Variants in MACROH2A1 observed in about 807,000 individuals in gnomAD.
MACROH2A1 encodes macroH2A.1 histone, also known as core histone macro-H2A.1.
MACROH2A1 carries 2 observed loss-of-function variants against 31.6 expected under a neutral mutation model. That is an observed-to-expected ratio of 0.06 (90% CI 0.03 to 0.20). MACROH2A1 has a LOEUF of 0.20. MACROH2A1 is among the 10% of genes least tolerant of loss of function. The pLI is 1.00. For synonymous variants in MACROH2A1, 169 were observed against 189.6 expected, an observed-to-expected ratio of 0.89 and a Z score of 0.89; for missense variants, 230 against 474.0, an observed-to-expected ratio of 0.49 and a Z score of 4.78.
chr5:135,358,309 C>T, intron 5 of MACROH2A1: 1 of 985,388 alleles, frequency 1.0e-6, no homozygotes, highest in Non-Finnish European at 1.2e-6. Flanking sequence ...GTTTCTAACA[C>T]TGGTGCTTAG....
At chr5:135,340,028 G>A (rs571223981) in intron 8 of MACROH2A1, among the ~76,000 whole-genome samples, 2 of 152,308 alleles carry the variant, frequency 1.3e-5, no homozygotes, top group South Asian at 2.1e-4. Flanking sequence ...GGCAGGTCAG[G>A]GAGTTCCCAG....
chr5:135,351,274 T>TAA (rs879456632), intron 6 of MACROH2A1: 24 of 148,096 alleles, frequency 1.6e-4, no homozygotes, highest in Middle Eastern at 3.1e-3. Context: ...GGCATCTGTT[T>TAA]AAAAAAAAAA....
At chr5:135,341,982 G>C (rs1759962289) in intron 8 of MACROH2A1, among the ~76,000 whole-genome samples, 1 of 152,218 alleles carries the variant, frequency 6.6e-6, no homozygotes, top group African/African-American at 2.4e-5. Context: ...GCAGTGGCAG[G>C]TACTCTGTCC....
intron 2 of MACROH2A1, among the ~76,000 whole-genome samples, chr5:135,374,214 A>G (rs1261956395): frequency 2.0e-5 from 3 of 152,186 alleles, no homozygotes; most frequent in African/African-American, 7.2e-5. Context: ...TTTCCTGGCT[A>G]AGAAAGAGTT....
intron 2 of MACROH2A1, among the ~76,000 whole-genome samples, chr5:135,372,949 G>C (rs1429815475): frequency 6.6e-6 from 1 of 152,340 alleles, no homozygotes; most frequent in Non-Finnish European, 1.5e-5. Context: ...ACAGGAGGAG[G>C]CTGATGGATT....
At chr5:135,385,636 C>A (rs1228378147) in intron 2 of MACROH2A1, among the ~76,000 whole-genome samples, 3 of 152,084 alleles carry the variant, frequency 2.0e-5, no homozygotes, top group African/African-American at 4.8e-5. Context: ...GGCCTGGCAC[C>A]CAGCAGGCGC....
chr5:135,371,219 C>G (rs989971478), intron 2 of MACROH2A1, among the ~76,000 whole-genome samples: 3 of 151,814 alleles, frequency 2.0e-5, no homozygotes, highest in African/African-American at 4.8e-5. Flanking sequence ...GGGGTCGGGG[C>G]GAATGTTGGT....
intron 4 of MACROH2A1, chr5:135,361,707 G>A (rs373652848): frequency 2.6e-5 from 4 of 152,298 alleles, no homozygotes; most frequent in African/African-American, 9.6e-5. Flanking sequence ...GGATAAATCT[G>A]AATAAACTCT....
chr5:135,345,841 T>A (rs991776578), intron 7 of MACROH2A1, 127 bp downstream of exon 7: 2 of 678,470 alleles, frequency 2.9e-6, no homozygotes, highest in Admixed American at 4.2e-5. Flanking sequence ...CAGGCTGTCC[T>A]TGGCCTCCAT....
Position 135,334,972 on chromosome 5 carries a change from C to T in MACROH2A1, c.*4G>A, listed in dbSNP as rs2076530311. ...TGGTGCAGCTGGTTCTGTCATTGCTCAGCCTAGTTGGCGTCCAGCTTGGCC... is the reference window on the plus strand; with the variant it reads ...TGGTGCAGCTGGTTCTGTCATTGCTTAGCCTAGTTGGCGTCCAGCTTGGCC... On this transcript the variant is annotated 3_prime_UTR_variant, in exon 9 of 9. Coordinates refer to ENST00000511689, the MANE Select transcript of MACROH2A1 (RefSeq NM_138610.3). 1.9e-6 allele frequency: 3 copies of T among 1,612,016 alleles called. No homozygotes were observed. The highest frequency in any genetic ancestry group is 1.7e-5 in the Admixed American group (1 of 59,972).
chr5:135,353,679 C>T (rs1358255694), intron 5 of MACROH2A1: 3 of 152,232 alleles, frequency 2.0e-5, no homozygotes, highest in Non-Finnish European at 4.4e-5. Context: ...GAAGGTTCTC[C>T]AGCAAGACAA....
chr5:135,369,658 T>A lies in MACROH2A1; in HGVS notation c.280-55A>T. The A allele has an allele frequency of 1.4e-6, 2 of 1,405,904 alleles. No homozygotes were observed. Among genetic ancestry groups the A allele is most frequent in the Admixed American group, 3.4e-5 (2 of 59,576 alleles). 87.1% of individuals were successfully genotyped at this position (1,405,904 alleles called of 1,614,324 possible). A position where few individuals can be genotyped will look rare whatever the true frequency, so the allele number is the denominator to read the frequency against. The stretch of plus-strand genomic sequence containing the variant: ...GAGCCAGATACCCTGCTTCTAACCT[T>A]CAAGAAGCCAGCCCTGCCCAGGACA... On this transcript the variant is annotated intron_variant, in intron 3 of 8. Coordinates refer to ENST00000511689, the MANE Select transcript of MACROH2A1 (RefSeq NM_138610.3). This position sits in a 1 kb window ranked among gnomAD's most constrained non-coding sequence, Gnocchi z 4.3.
At chr5:135,363,342 C>T (rs921709694) in intron 4 of MACROH2A1, among the ~76,000 whole-genome samples, 1 of 152,228 alleles carries the variant, frequency 6.6e-6, no homozygotes, top group African/African-American at 2.4e-5. Flanking sequence ...AAACTTCTGC[C>T]TTTTCCCTTC....
intron 1 of MACROH2A1, among the ~76,000 whole-genome samples, chr5:135,390,192 C>G (rs1767022106): frequency 6.6e-6 from 1 of 152,232 alleles, no homozygotes; most frequent in South Asian, 2.1e-4. Flanking sequence ...TTATCTCTCA[C>G]ACTTGCCTCT....
At chr5:135,368,482 GT>G (rs1473955197) in intron 4 of MACROH2A1, among the ~76,000 whole-genome samples, 1 of 152,212 alleles carries the variant, frequency 6.6e-6, no homozygotes, top group Non-Finnish European at 1.5e-5. Flanking sequence ...AAATACAGAG[GT>G]CACCTTCTGC....
intron 8 of MACROH2A1, among the ~76,000 whole-genome samples, chr5:135,335,803 G>A (rs1758560120): frequency 6.6e-6 from 1 of 152,234 alleles, no homozygotes; most frequent in African/African-American, 2.4e-5. Context: ...ACTTAAAAAT[G>A]TGAAATCAGG....
intron 7 of MACROH2A1, 190 bp from the exon 8 acceptor site, chr5:135,343,624 G>T: frequency 1.1e-6 from 1 of 870,872 alleles, no homozygotes; most frequent in South Asian, 1.8e-5. Flanking sequence ...CACACCCTTG[G>T]AAAGTTGGCA....
chr5:135,392,555 G>A (rs1449272192), intron 1 of MACROH2A1, among the ~76,000 whole-genome samples: 1 of 152,198 alleles, frequency 6.6e-6, no homozygotes, highest in East Asian at 1.9e-4. Flanking sequence ...ATCCAGCAAT[G>A]TGTGGTGGTT....
intron 8 of MACROH2A1, among the ~76,000 whole-genome samples, chr5:135,342,873 C>T (rs148639232): frequency 6.6e-6 from 1 of 152,254 alleles, no homozygotes; most frequent in African/African-American, 2.4e-5. Context: ...GACCATAACA[C>T]AGCTATAGCC....
Sources: allele counts gnomAD v4.1 joint callset (sites outside exome capture counted in the v4.1 genomes callset), GRCh38; gene constraint gnomAD v4.1.1; non-coding constraint Gnocchi (gnomAD v3.1); transcripts MANE v1.5; gene names NCBI Gene and HGNC (gene_info 2026-07-23, HGNC 2026-07-21).